The following RAVER1 variants were observed in gnomAD, a reference collection of about 807,000 sequenced individuals.
The protein encoded by RAVER1 is ribonucleoprotein PTB-binding 1.
A neutral mutation model predicts 68.4 loss-of-function variants in RAVER1; 36 were observed. The ratio of observed to expected loss-of-function variants is 0.53; its 90% CI spans 0.40 to 0.70. RAVER1 has a LOEUF of 0.70. Among genes scored for constraint, RAVER1 ranks in the 30% least tolerant of loss-of-function variants. The probability of loss-of-function intolerance (pLI) is 0.00; values close to 1 mark genes in which losing one functional copy is unlikely to be tolerated. For synonymous variants in RAVER1, 469 were observed against 472.7 expected, an observed-to-expected ratio of 0.99 and a Z score of 0.10; for missense variants, 933 against 1,019.8, an observed-to-expected ratio of 0.91 and a Z score of 1.16.
Position 10,323,363 on chromosome 19 carries a change from G to A in RAVER1, c.948+12C>T, listed in dbSNP as rs754203386. ...CATCCCCACCCCGCCACCTCTGCCC[G>A]CACAGGCTCACCGTGGCCTGGGCAG... On this transcript the variant is annotated intron_variant, in intron 4 of 12. Coordinates refer to ENST00000617231, the MANE Select transcript of RAVER1 (RefSeq NM_133452.3). The surrounding 1 kb of genome is among the most constrained non-coding windows in gnomAD (Gnocchi z 6.2). The A allele has an allele frequency of 1.1e-5, 17 of 1,603,904 alleles. No individual in the cohort carries two copies. Among genetic ancestry groups the A allele is most frequent in the East Asian group, 9.0e-5 (4 of 44,518 alleles).
chr19:10,330,697 T>C (rs1349062320), intron 1 of RAVER1, among the ~76,000 whole-genome samples, 171 bp from the exon 2 acceptor site: 1 of 152,222 alleles, frequency 6.6e-6, no homozygotes, highest in African/African-American at 2.4e-5. Flanking sequence ...ATTCTGCTCA[T>C]ACCTGGCAGA....
intron 1 of RAVER1, 140 bp from the exon 2 acceptor site, chr19:10,330,666 T>TG: frequency 1.6e-6 from 1 of 613,390 alleles, no homozygotes; most frequent in Non-Finnish European, 3.0e-6. Flanking sequence ...TGAGGCTCGA[T>TG]GCAGTAATTT....
chr19:10,319,418 C>T (rs766865011), intron 9 of RAVER1, among the ~76,000 whole-genome samples, 178 bp from the exon 10 acceptor site: 5 of 152,364 alleles, frequency 3.3e-5, no homozygotes, highest in Middle Eastern at 3.4e-3. Context: ...GGGGGGTGCC[C>T]CCCATGGGCC....
In RAVER1 at chr19:10,322,744, A is replaced by G. The variant is rs1441494304; in HGVS notation, c.1079-5T>C. 2.7e-6 allele frequency: 4 copies of G among 1,468,366 alleles called. No individual in the cohort carries two copies. The Admixed American group carries it at 1.2e-4, about 45-fold the overall frequency. The allele number at this position is 1,468,366 out of a possible 1,614,324, so 91.0% of individuals were successfully genotyped here. On this transcript the variant is annotated splice_region_variant and splice_polypyrimidine_tract_variant and intron_variant, in intron 5 of 12. Coordinates refer to ENST00000617231, the MANE Select transcript of RAVER1 (RefSeq NM_133452.3). The surrounding 1 kb of genome is among the most constrained non-coding windows in gnomAD (Gnocchi z 4.3). ...CTGGGGGGGCACCCAGGAGGCCTGG[A>G]GGGAGACATAGGAGGATGTGTGGGG...
chr19:10,321,510 T>C, intron 7 of RAVER1, 21 bp downstream of exon 7: 1 of 1,347,434 alleles, frequency 7.4e-7, no homozygotes, highest in Non-Finnish European at 9.6e-7. Context: ...GGGGACACCG[T>C]GTGGGCAGGG....
chr19:10,325,953 T>C (rs546590158), intron 3 of RAVER1, among the ~76,000 whole-genome samples: 97 of 152,022 alleles, frequency 6.4e-4, no homozygotes, highest in Non-Finnish European at 1.1e-3. Context: ...ACCTTTGATC[T>C]CCACATAAGA....
In RAVER1 at chr19:10,329,150, C is replaced by G; in HGVS notation, c.287-39G>C. Reference sequence around the variant, plus strand: ...AGGGCAGTGCGAGGTCAGCCGGGCCCTGAGGGCCTGCCCCTCCACCCCGCC... The same window carrying G: ...AGGGCAGTGCGAGGTCAGCCGGGCCGTGAGGGCCTGCCCCTCCACCCCGCC... On this transcript the variant is annotated intron_variant, in intron 2 of 12. Coordinates refer to ENST00000617231, the MANE Select transcript of RAVER1 (RefSeq NM_133452.3). This position sits in a 1 kb window ranked among gnomAD's most constrained non-coding sequence, Gnocchi z 4.6. The G allele has an allele frequency of 7.7e-7, 1 of 1,300,604 alleles. No homozygotes were observed. Among genetic ancestry groups the G allele is most frequent in the Non-Finnish European group, 1.0e-6 (1 of 964,474 alleles). The allele number at this position is 1,300,604 out of a possible 1,614,324, so 80.6% of individuals were successfully genotyped here. A position where few individuals can be genotyped will look rare whatever the true frequency, so the allele number is the denominator to read the frequency against.
chr19:10,319,121 T>C (rs1357497773), intron 10 of RAVER1, 45 bp downstream of exon 10: 7 of 1,558,284 alleles, frequency 4.5e-6, no homozygotes, highest in Non-Finnish European at 6.2e-6. Flanking sequence ...GCCTGTCATG[T>C]AGTAAAAGCT....
In RAVER1 at chr19:10,328,972, G is replaced by A; in HGVS notation, c.426C>T (p.Ser142=). 2 of 1,599,052 alleles carry A rather than the reference G, an allele frequency of 1.3e-6. No homozygotes were observed. The highest frequency in any genetic ancestry group is 8.5e-7 in the Non-Finnish European group (1 of 1,170,322). Reference sequence around the variant, plus strand: ...GCTCCTCGAACTGCTGCTGTGTGAGGCTGGGGGGCAGGTTGGCCACACACA... The same window carrying A: ...GCTCCTCGAACTGCTGCTGTGTGAGACTGGGGGGCAGGTTGGCCACACACA... The part of the protein sequence containing the change: ...ALLCVANLPP[S]LTQQQFEELV... The change falls in exon 3 of 13, where the codon AGC becomes AGT. Residue 142 remains serine (S), a synonymous_variant. Transcript: ENST00000617231. This position sits in a 1 kb window ranked among gnomAD's most constrained non-coding sequence, Gnocchi z 4.4.
chr19:10,323,233 G>C lies in RAVER1; in HGVS notation c.990C>G (p.Ile330Met), dbSNP rs781670264. Residue 330 changes from isoleucine (I) to methionine (M), a missense_variant, in exon 5 of 13, where the codon ATC becomes ATG. By Grantham distance (10) the Ile-to-Met change is conservative (BLOSUM62 1). This residue lies in a region of RAVER1 where 699 missense variants were observed against 731.1 expected (regional missense o/e 0.96). Transcript: ENST00000617231. This position sits in a 1 kb window ranked among gnomAD's most constrained non-coding sequence, Gnocchi z 6.2. ...GGCCCAGGTTGTTGAGCAGCTGCAG[G>C]ATGTTGGGCTCGGGGAGGAGTCCCT... ...RGKGLLPEPN[I>M]LQLLNNLGPS... The C allele has an allele frequency of 6.2e-7, 1 of 1,613,510 alleles. No homozygotes were observed. The highest frequency in any genetic ancestry group is 1.7e-5 in the Admixed American group (1 of 59,962).
Position 10,317,208 on chromosome 19 carries a change from G to A in RAVER1, c.*246C>T, listed in dbSNP as rs113337445. ...TGGGGGGAGGGAGGGAGAGCAGGCC[G>A]GGGCCCCTCTCTCTTAAGGCTGCAG... On this transcript the variant is annotated 3_prime_UTR_variant, in exon 13 of 13. Coordinates refer to ENST00000617231, the MANE Select transcript of RAVER1 (RefSeq NM_133452.3). The surrounding 1 kb of genome is among the most constrained non-coding windows in gnomAD (Gnocchi z 4.3). 9,422 of 535,802 alleles carry A rather than the reference G, an allele frequency of 0.018. 122 individuals are homozygous for A. The highest frequency in any genetic ancestry group is 0.032 in the Middle Eastern group (65 of 2,012). The allele number at this position is 535,802 out of a possible 1,614,324, so 33.2% of individuals were successfully genotyped here. A position where few individuals can be genotyped will look rare whatever the true frequency, so the allele number is the denominator to read the frequency against.
chr19:10,333,483 G>A lies in RAVER1; in HGVS notation c.25C>T (p.His9Tyr), dbSNP rs770370470. 1.9e-6 allele frequency: 3 copies of A among 1,608,492 alleles called. No individual in the cohort carries two copies. The African/African-American group carries it at 4.0e-5, about 21-fold the overall frequency. MAADVSVT[H>Y]RPPLSPKSGA... ...GACTTAGGGCTCAGCGGGGGCCGGT[G>A]AGTAACGGACACGTCCGCCGCCATC... The change falls in exon 1 of 13, where the codon CAC becomes TAC. Residue 9 changes from histidine (H) to tyrosine (Y), a missense_variant. By Grantham distance (83) the His-to-Tyr change is moderately conservative (BLOSUM62 2). Around this residue, in one of 3 missense-constraint regions of RAVER1, gnomAD observed 211 missense variants for 230.0 expected, o/e 0.92. Coordinates refer to ENST00000617231, the MANE Select transcript of RAVER1 (RefSeq NM_133452.3). The surrounding 1 kb of genome is among the most constrained non-coding windows in gnomAD (Gnocchi z 4.2).
chr19:10,333,527 T>C lies in RAVER1; in HGVS notation c.-20A>G. On this transcript the variant is annotated 5_prime_UTR_variant, in exon 1 of 13. Transcript: ENST00000617231. The surrounding 1 kb of genome is among the most constrained non-coding windows in gnomAD (Gnocchi z 4.2). The stretch of plus-strand genomic sequence containing the variant: ...CGCCATCTTGGGAAACCCGGCGCCT[T>C]CTGGGACCAGCGAGCCGGGGCGGAG... The C allele has an allele frequency of 1.3e-6, 2 of 1,590,004 alleles. No individual in the cohort carries two copies. The highest frequency in any genetic ancestry group is 8.5e-7 in the Non-Finnish European group (1 of 1,169,868).
chr19:10,322,569 C>G lies in RAVER1; in HGVS notation c.1173+76G>C. 3 of 1,093,254 alleles carry G rather than the reference C, an allele frequency of 2.7e-6. No individual in the cohort carries two copies. The highest frequency in any genetic ancestry group is 3.9e-6 in the Non-Finnish European group (3 of 778,330). The allele number at this position is 1,093,254 out of a possible 1,614,324, so 67.7% of individuals were successfully genotyped here. A position where few individuals can be genotyped will look rare whatever the true frequency, so the allele number is the denominator to read the frequency against. ...GGCACAGCCAGAGGTCCCCCCACCC[C>G]ACCGATCGCACCAGCTGTGTTGAAA... On this transcript the variant is annotated intron_variant, in intron 6 of 12. Transcript: ENST00000617231. This position sits in a 1 kb window ranked among gnomAD's most constrained non-coding sequence, Gnocchi z 4.3.
intron 8 of RAVER1, 37 bp from the exon 9 acceptor site, chr19:10,320,988 G>A (rs2040432486): frequency 1.3e-6 from 2 of 1,486,930 alleles, no homozygotes; most frequent in African/African-American, 1.5e-5. Flanking sequence ...GGGCCCCCGG[G>A]AGAGGGAACC....
chr19:10,323,598 C>T lies in RAVER1; in HGVS notation c.757-32G>A. On this transcript the variant is annotated intron_variant, in intron 3 of 12. Transcript: ENST00000617231. The surrounding 1 kb of genome is among the most constrained non-coding windows in gnomAD (Gnocchi z 6.2). ...GAGGAAGGCAGGCAGTCATGAGCATCTGGGCAGCAGTGACTGCACCACCCC... is the reference window on the plus strand; with the variant it reads ...GAGGAAGGCAGGCAGTCATGAGCATTTGGGCAGCAGTGACTGCACCACCCC... The T allele has an allele frequency of 1.3e-6, 2 of 1,557,332 alleles. No individual in the cohort carries two copies. Among genetic ancestry groups the T allele is most frequent in the South Asian group, 1.2e-5 (1 of 85,524 alleles).
At chr19:10,319,036 T>C in intron 10 of RAVER1, 130 bp downstream of exon 10, 1 of 795,166 alleles carries the variant, frequency 1.3e-6, no homozygotes, top group Non-Finnish European at 2.0e-6. Context: ...CACAGTGAGA[T>C]CCTGTCTTAA....
intron 1 of RAVER1, among the ~76,000 whole-genome samples, chr19:10,331,610 C>T (rs75375271): frequency 0.048 from 6,428 of 134,166 alleles, 219 homozygotes; most frequent in Non-Finnish European, 0.07. Flanking sequence ...TGCTTGAACC[C>T]GAGGGGTGAA....
intron 7 of RAVER1, 84 bp downstream of exon 7, chr19:10,321,447 G>A: frequency 8.7e-7 from 1 of 1,154,136 alleles, no homozygotes; most frequent in Non-Finnish European, 1.1e-6. Flanking sequence ...GGGACCCAGA[G>A]GTTGGGTCAC....
Sources: allele counts gnomAD v4.1 joint callset (sites outside exome capture counted in the v4.1 genomes callset), GRCh38; gene constraint gnomAD v4.1.1; regional missense constraint gnomAD v4.1.1; non-coding constraint Gnocchi (gnomAD v3.1); transcripts MANE v1.5; gene names NCBI Gene and HGNC (gene_info 2026-07-23, HGNC 2026-07-21).